The following SRPRB variants were observed in gnomAD, a reference collection of about 807,000 sequenced individuals.
SRPRB encodes SRP receptor subunit beta, also known as signal recognition particle receptor subunit beta.
In SRPRB, 20 loss-of-function variants were observed where a neutral mutation model predicts 31.9. The observed-to-expected ratio is 0.63, with a 90% CI of 0.44 to 0.91. The LOEUF (loss-of-function observed/expected upper bound fraction) is 0.91, where lower values mean the gene tolerates loss of function less well. Among genes scored for constraint, SRPRB ranks in the 40% least tolerant of loss-of-function variants. The pLI is 0.00. For synonymous variants in SRPRB, 146 were observed against 132.8 expected (o/e 1.10, Z -0.68); for missense variants, 321 against 324.9 (o/e 0.99, Z 0.09).
rs146467727 is a variant in SRPRB at position 133,818,785 on chromosome 3, A to AGTGTGTGTGTGT, written c.603-741_603-730dup. Among the ~76,000 whole-genome samples, 834 of 144,192 alleles carry AGTGTGTGTGTGT rather than the reference A, an allele frequency of 5.8e-3. 2 individuals carry two copies. The highest frequency in any genetic ancestry group is 0.013 in the African/African-American group (496 of 38,930). The allele number at this position is 144,192 out of a possible 152,430, so 94.6% of individuals were successfully genotyped here. A position where few individuals can be genotyped will look rare whatever the true frequency, so the allele number is the denominator to read the frequency against. ...TATTGTTTTTTAAAAATACTTTTACAGTGTGTGTGTGTGTGTGTGTGTGTG... is the reference window on the plus strand; with the variant it reads ...TATTGTTTTTTAAAAATACTTTTACAGTGTGTGTGTGTGTGTGTGTGTGTGTGTGTGTGTGTG... On this transcript the variant is annotated intron_variant, in intron 6 of 6. Coordinates refer to ENST00000678299, the MANE Select transcript of SRPRB (RefSeq NM_001379313.1).
downstream of SRPRB, chr3:133,827,591 T>G: frequency 1.1e-5 from 4 of 356,464 alleles, no homozygotes; most frequent in South Asian, 1.4e-4. Context: ...GCAGCCACAG[T>G]AGCCACAAAG....
At chr3:133,827,824 C>T, downstream of SRPRB, 1 of 463,420 alleles carries the variant, frequency 2.2e-6, no homozygotes, top group Non-Finnish European at 4.2e-6. Flanking sequence ...AGGAGGAAGG[C>T]TTCAGGATGG....
In SRPRB at chr3:133,805,820, T is replaced by C. The variant is rs1045474527; in HGVS notation, c.-29T>C. On this transcript the variant is annotated 5_prime_UTR_variant, in exon 1 of 7. Transcript: ENST00000678299. ...GCAGAGTGCAGGGCCACGTCGCTTT[T>C]GCTGTACCGGGGACCACGCGTCTCA... The C allele has an allele frequency of 6.3e-7, 1 of 1,586,966 alleles. No homozygotes were observed. The highest frequency in any genetic ancestry group is 1.8e-5 in the Admixed American group (1 of 56,582).
chr3:133,795,576 T>C (rs1934946204), intron 1 of SRPRB: 1 of 144,326 alleles, frequency 6.9e-6, no homozygotes. Context: ...TGGAATTTTT[T>C]TTTTTTTTTT....
chr3:133,811,587 T>TG (rs1935263417), intron 4 of SRPRB, among the ~76,000 whole-genome samples: 1 of 130,094 alleles, frequency 7.7e-6, no homozygotes, highest in African/African-American at 2.9e-5. Context: ...AGTGTTTTTT[T>TG]GTTTTTTTTT....
At position 133,808,609 on chromosome 3, in the gene SRPRB, G is replaced by T. The variant is rs148735008; in HGVS notation, c.327+786G>T. ...GTATTTCAAATATAAGGAATCATGG[G>T]GCCTGGCTTGGTGGCTCACGCCTGT... On this transcript the variant is annotated intron_variant, in intron 3 of 6. Coordinates refer to ENST00000678299, the MANE Select transcript of SRPRB (RefSeq NM_001379313.1). Among the ~76,000 whole-genome samples the T allele has an allele frequency of 9.5e-4, 144 of 152,100 alleles. 1 individual carries two copies. The highest frequency in any genetic ancestry group is 3.3e-3 in the African/African-American group (138 of 41,472).
chr3:133,788,608 T>G (rs1248863732), intron 1 of SRPRB: 5 of 151,812 alleles, frequency 3.3e-5, no homozygotes, highest in Non-Finnish European at 7.4e-5. Context: ...TTTTTCATCT[T>G]TTCTTTTCCA....
chr3:133,822,899 G>A (rs900876549), downstream of SRPRB, among the ~76,000 whole-genome samples: 10 of 152,172 alleles, frequency 6.6e-5, no homozygotes, highest in East Asian at 1.9e-4. Flanking sequence ...TGTAAACCTC[G>A]AGAAACTTGA....
chr3:133,813,009 G>C (rs1470942864), intron 4 of SRPRB, among the ~76,000 whole-genome samples: 1 of 152,150 alleles, frequency 6.6e-6, no homozygotes, highest in Non-Finnish European at 1.5e-5. Context: ...TTGTTCATTT[G>C]TAACTCTATT....
Position 133,820,454 on chromosome 3 carries a change from T to G in SRPRB, c.*688T>G, listed in dbSNP as rs547986155. 6.5e-6 allele frequency: 1 copy of G among 152,790 alleles called. No individual in the cohort carries two copies. The highest frequency in any genetic ancestry group is 6.5e-5 in the Admixed American group (1 of 15,402). 9.5% of individuals were successfully genotyped at this position (152,790 alleles called of 1,614,324 possible). A position where few individuals can be genotyped will look rare whatever the true frequency, so the allele number is the denominator to read the frequency against. Reference sequence around the variant, plus strand: ...AAATCCCCTAATGCCAAGGGTCTAGTGTGTTCTTAGTGGTTATACTGGGAA... The same window carrying G: ...AAATCCCCTAATGCCAAGGGTCTAGGGTGTTCTTAGTGGTTATACTGGGAA... On this transcript the variant is annotated 3_prime_UTR_variant, in exon 7 of 7. Transcript: ENST00000678299.
chr3:133,786,544 T>C (rs1010487967), intron 1 of SRPRB: 2 of 152,220 alleles, frequency 1.3e-5, no homozygotes, highest in Non-Finnish European at 2.9e-5. Flanking sequence ...ATATTGTGGA[T>C]CTAAAGGACA....
intron 4 of SRPRB, among the ~76,000 whole-genome samples, chr3:133,812,017 A>G (rs76977536): frequency 0.025 from 3,799 of 152,246 alleles, 101 homozygotes; most frequent in African/African-American, 0.064. Flanking sequence ...GCAGTTTCAG[A>G]TGCTTCTTTT....
chr3:133,799,145 T>G (rs1935023986), intron 1 of SRPRB, among the ~76,000 whole-genome samples: 5 of 152,226 alleles, frequency 3.3e-5, no homozygotes. Context: ...GGAGAAATCT[T>G]TCTCTAGAGG....
At position 133,815,708 on chromosome 3, in the gene SRPRB, A is replaced by G; in HGVS notation, c.529A>G (p.Ile177Val). ...TCTGAAGAATACACCATCATTCTTA[A>G]TAGCCTGCAATAAGCAAGGTGCCAT... ...MGLKNTPSFLIACNKQDIAMA... is the reference protein window; with the variant it reads ...MGLKNTPSFLVACNKQDIAMA... Residue 177 changes from isoleucine to valine, a missense_variant, in exon 5 of 7, where the codon ATA (isoleucine) becomes GTA (valine). Physicochemically the swap from Ile to Val is conservative, Grantham distance 29. Transcript: ENST00000678299. 6.2e-7 allele frequency: 1 copy of G among 1,613,652 alleles called. No individual in the cohort carries two copies. The highest frequency in any genetic ancestry group is 8.5e-7 in the Non-Finnish European group (1 of 1,179,710).
chr3:133,794,322 C>T (rs1341305063), intron 1 of SRPRB: 1 of 152,090 alleles, frequency 6.6e-6, no homozygotes, highest in African/African-American at 2.4e-5. Flanking sequence ...GTCCCATATT[C>T]CTGGGAAAAC....
At chr3:133,810,361 C>T (rs1443980779) in intron 3 of SRPRB, 5 of 152,144 alleles carry the variant, frequency 3.3e-5, no homozygotes, top group African/African-American at 9.7e-5. Context: ...CTGCATGTAC[C>T]AGGCCACATC....
chr3:133,794,083 C>T (rs1415154531), intron 1 of SRPRB: 1 of 152,118 alleles, frequency 6.6e-6, no homozygotes, highest in Non-Finnish European at 1.5e-5. Context: ...GTGTTATGCA[C>T]CTAATTTGGG....
intron 5 of SRPRB, among the ~76,000 whole-genome samples, chr3:133,816,035 T>G (rs1021912334): frequency 6.6e-6 from 1 of 152,244 alleles, no homozygotes; most frequent in Admixed American, 6.5e-5. Flanking sequence ...ATATGTGATA[T>G]CAGATGCACA....
At chr3:133,800,641 C>A (rs1241400031) in intron 1 of SRPRB, among the ~76,000 whole-genome samples, 2 of 152,128 alleles carry the variant, frequency 1.3e-5, no homozygotes, top group African/African-American at 4.8e-5. Flanking sequence ...TTATTCTTAC[C>A]AGCAGATTCT....
Sources: allele counts gnomAD v4.1 joint callset (sites outside exome capture counted in the v4.1 genomes callset), GRCh38; gene constraint gnomAD v4.1.1; transcripts MANE v1.5; gene names NCBI Gene and HGNC (gene_info 2026-07-23, HGNC 2026-07-21).